The following NRG1 variants were observed in gnomAD, a reference collection of about 807,000 sequenced individuals.
NRG1 encodes neuregulin 1, also known as pro-neuregulin-1, membrane-bound isoform.
In NRG1, 18 loss-of-function variants were observed where a neutral mutation model predicts 63.8. That is an observed-to-expected ratio of 0.28 (90% CI 0.19 to 0.42). The LOEUF (loss-of-function observed/expected upper bound fraction) is 0.42, where lower values mean the gene tolerates loss of function less well. Ranked by LOEUF, NRG1 falls within the 10% of genes least tolerant of loss-of-function variation. The pLI is 1.00. For missense variants in NRG1, 762 were observed against 814.7 expected (o/e 0.94, Z 0.79); for synonymous variants, 302 against 301.3 (o/e 1.00, Z -0.02).
At chr8:32,434,948 G>T (rs2129487014) in intron 1 of NRG1, among the ~76,000 whole-genome samples, 1 of 152,288 alleles carries the variant, frequency 6.6e-6, no homozygotes, top group South Asian at 2.1e-4. Context: ...ATGTCAGGGA[G>T]TTGAGCATCT....
chr8:31,936,096 CA>C (rs775333305), intron 1 of NRG1, among the ~76,000 whole-genome samples: 6 of 152,162 alleles, frequency 3.9e-5, no homozygotes, highest in Non-Finnish European at 7.4e-5. Flanking sequence ...AGAAACAATA[CA>C]GGAGATGCAC....
At chr8:32,658,567 A>G (rs1190614005) in intron 5 of NRG1, among the ~76,000 whole-genome samples, 1 of 152,124 alleles carries the variant, frequency 6.6e-6, no homozygotes, top group Non-Finnish European at 1.5e-5. Flanking sequence ...AATTAGCATT[A>G]CAGAGCTTTA....
intron 1 of NRG1, among the ~76,000 whole-genome samples, chr8:32,282,336 C>A (rs1180720039): frequency 6.6e-6 from 1 of 152,202 alleles, no homozygotes; most frequent in Admixed American, 6.5e-5. Context: ...AAGGGTATAT[C>A]ATTTCCCTCT....
chr8:32,720,510 T>C (rs926157037), intron 5 of NRG1, among the ~76,000 whole-genome samples: 4 of 152,146 alleles, frequency 2.6e-5, no homozygotes, highest in African/African-American at 9.7e-5. Context: ...GGACTCCGGC[T>C]ATGGAAATTT....
intron 1 of NRG1, among the ~76,000 whole-genome samples, chr8:32,413,604 A>G (rs1256769807): frequency 6.6e-6 from 1 of 152,230 alleles, no homozygotes; most frequent in African/African-American, 2.4e-5. Flanking sequence ...TGCCTTCTAT[A>G]GAACACATTC....
intron 1 of NRG1, among the ~76,000 whole-genome samples, chr8:32,491,569 G>A (rs1826559801): frequency 6.6e-6 from 1 of 152,138 alleles, no homozygotes; most frequent in Non-Finnish European, 1.5e-5. Context: ...CTATGTTATT[G>A]GATACGTACC....
intron 1 of NRG1, among the ~76,000 whole-genome samples, chr8:32,286,535 G>T (rs990758268): frequency 1.3e-5 from 2 of 152,238 alleles, no homozygotes; most frequent in African/African-American, 4.8e-5. Flanking sequence ...GGTCATGGGG[G>T]CAGATCTATG....
At chr8:32,639,714 T>A (rs1392339045) in intron 5 of NRG1, among the ~76,000 whole-genome samples, 2 of 152,230 alleles carry the variant, frequency 1.3e-5, no homozygotes. Flanking sequence ...CTGTGCTATA[T>A]ACTGACTAAC....
At chr8:31,682,756 G>C (rs1259346287) in intron 1 of NRG1, among the ~76,000 whole-genome samples, 3 of 151,886 alleles carry the variant, frequency 2.0e-5, no homozygotes, top group African/African-American at 7.3e-5. Flanking sequence ...AACGTTATAT[G>C]GAATAAAAAA....
intron 1 of NRG1, among the ~76,000 whole-genome samples, chr8:32,448,657 A>G (rs977152278): frequency 6.7e-6 from 1 of 150,118 alleles, no homozygotes; most frequent in African/African-American, 2.4e-5. Context: ...CCCACATCCT[A>G]CGTCAATTAG....
At chr8:32,070,797 TTA>T (rs1458877060) in intron 1 of NRG1, among the ~76,000 whole-genome samples, 1 of 152,194 alleles carries the variant, frequency 6.6e-6, no homozygotes, top group Non-Finnish European at 1.5e-5. Flanking sequence ...GGCCTCTTGC[TTA>T]TAAAGGACCA....
At chr8:32,315,205 C>G (rs752468535) in intron 1 of NRG1, among the ~76,000 whole-genome samples, 1 of 152,168 alleles carries the variant, frequency 6.6e-6, no homozygotes, top group South Asian at 2.1e-4. Flanking sequence ...AAGCCCCACA[C>G]GCATTAGCTG....
intron 1 of NRG1, among the ~76,000 whole-genome samples, chr8:31,653,242 CA>C (rs1426150929): frequency 6.6e-6 from 1 of 151,900 alleles, no homozygotes; most frequent in Non-Finnish European, 1.5e-5. Context: ...CTATTTTCAA[CA>C]AAAAATACTG....
intron 5 of NRG1, among the ~76,000 whole-genome samples, chr8:32,697,462 C>T (rs1038382632): frequency 6.6e-6 from 1 of 152,158 alleles, no homozygotes; most frequent in Non-Finnish European, 1.5e-5. Flanking sequence ...ATAAGCTTGA[C>T]AGAGCTTTCT....
chr8:32,460,009 A>G (rs1822118090), intron 1 of NRG1, among the ~76,000 whole-genome samples: 1 of 152,134 alleles, frequency 6.6e-6, no homozygotes, highest in Non-Finnish European at 1.5e-5. Context: ...AACACTTACC[A>G]CTGCCTGATA....
chr8:32,246,559 C>G (rs1848606076), intron 1 of NRG1, among the ~76,000 whole-genome samples: 2 of 152,156 alleles, frequency 1.3e-5, no homozygotes, highest in Non-Finnish European at 2.9e-5. Flanking sequence ...AGCACTACAG[C>G]TAGATTTGTA....
At chr8:32,298,514 G>A (rs1855161948) in intron 1 of NRG1, among the ~76,000 whole-genome samples, 1 of 151,972 alleles carries the variant, frequency 6.6e-6, no homozygotes, top group Non-Finnish European at 1.5e-5. Flanking sequence ...TCGGGAGTTC[G>A]AGACTAGCTT....
intron 1 of NRG1, among the ~76,000 whole-genome samples, chr8:32,279,762 T>A (rs1563263949): frequency 6.6e-6 from 1 of 152,236 alleles, no homozygotes; most frequent in African/African-American, 2.4e-5. Flanking sequence ...CTAGGTGATA[T>A]TCTAGGTAAC....
chr8:31,928,352 T>G (rs1301882401), intron 1 of NRG1, among the ~76,000 whole-genome samples: 1 of 80,102 alleles, frequency 1.2e-5, no homozygotes, highest in Non-Finnish European at 2.3e-5. Flanking sequence ...ATGGATGTGG[T>G]AAAAAAAAAA....
Sources: gnomAD v4.1 joint callset for allele counts (sites outside exome capture counted in the v4.1 genomes callset) on GRCh38, gnomAD v4.1.1 for gene constraint, MANE v1.5 for transcripts, NCBI Gene and HGNC (gene_info 2026-07-23, HGNC 2026-07-21) for gene names.